CACNA1A: variants seen among roughly 807,000 people sequenced by gnomAD.
The protein encoded by CACNA1A is voltage-dependent P/Q-type calcium channel subunit alpha-1A.
Under a neutral mutation model 262.4 loss-of-function variants are expected in CACNA1A, and 57 were observed. That is an observed-to-expected ratio of 0.22 (90% CI 0.18 to 0.27). The LOEUF (loss-of-function observed/expected upper bound fraction) is 0.27. CACNA1A is among the 10% of genes least tolerant of loss of function. The pLI is 1.00. For synonymous variants in CACNA1A, 1,431 were observed against 1,419.3 expected, an observed-to-expected ratio of 1.01 and a Z score of -0.18; for missense variants, 2,526 against 3,562.8, an observed-to-expected ratio of 0.71 and a Z score of 7.41.
rs571616316 is a variant in CACNA1A at position 13,379,700 on chromosome 19, C to A, written c.540-7921G>T. Among the ~76,000 whole-genome samples the A allele has an allele frequency of 5.3e-5, 8 of 152,000 alleles. No homozygotes were observed. In the South Asian group the frequency reaches 1.0e-3, roughly 20 times the overall value. Reference sequence around the variant, plus strand: ...CAACACTTTGGGAGGCCAAGGCTGGCGGATCACAAGGTCAGGAGTTCGAGA... The same window carrying A: ...CAACACTTTGGGAGGCCAAGGCTGGAGGATCACAAGGTCAGGAGTTCGAGA... On this transcript the variant is annotated intron_variant, in intron 3 of 46. Coordinates refer to ENST00000360228, the MANE Select transcript of CACNA1A (RefSeq NM_001127222.2).
At chr19:13,448,310 G>A (rs957065692) in intron 3 of CACNA1A, among the ~76,000 whole-genome samples, 3 of 152,072 alleles carry the variant, frequency 2.0e-5, no homozygotes, top group Non-Finnish European at 4.4e-5. Context: ...GATAACACAT[G>A]GACATACAGA....
intron 24 of CACNA1A, among the ~76,000 whole-genome samples, chr19:13,266,226 TTTAAA>T (rs949378553): frequency 5.3e-5 from 8 of 149,578 alleles, no homozygotes; most frequent in African/African-American, 2.0e-4. Context: ...TTTTTTTTTA[TTTAAA>T]TTAAAGAGAT....
chr19:13,315,915 C>T (rs1190782141), intron 11 of CACNA1A: 1 of 152,112 alleles, frequency 6.6e-6, no homozygotes, highest in Non-Finnish European at 1.5e-5. Context: ...CATCCACCTG[C>T]CCCCCTCACT....
rs1015717281 is a variant in CACNA1A at position 13,298,425 on chromosome 19, G to C, written c.3089+119C>G. On this transcript the variant is annotated intron_variant, in intron 19 of 46. Coordinates refer to ENST00000360228, the MANE Select transcript of CACNA1A (RefSeq NM_001127222.2). ...ATTACAGGCGTGAGCCACTGCGCCTGGCCAAATACAGCATTTTATAATATA... is the reference window on the plus strand; with the variant it reads ...ATTACAGGCGTGAGCCACTGCGCCTCGCCAAATACAGCATTTTATAATATA... 5.9e-6 allele frequency: 6 copies of C among 1,012,006 alleles called. No individual in the cohort carries two copies. In the African/African-American group the frequency reaches 1.0e-4, roughly 17 times the overall value. 62.7% of individuals were successfully genotyped at this position (1,012,006 alleles called of 1,614,324 possible).
At position 13,352,677 on chromosome 19, in the gene CACNA1A, C is replaced by T. The variant is rs528576393; in HGVS notation, c.978+6929G>A. On this transcript the variant is annotated intron_variant, in intron 6 of 46. Coordinates refer to ENST00000360228, the MANE Select transcript of CACNA1A (RefSeq NM_001127222.2). The stretch of plus-strand genomic sequence containing the variant: ...GCCACTGTTCTCCATGCTGGGAATG[C>T]TGTTTCCAAAACATCTGCCTGGCTT... Among the ~76,000 whole-genome samples the T allele has an allele frequency of 5.9e-5, 9 of 152,310 alleles. No individual in the cohort carries two copies. The South Asian group carries it at 1.9e-3, about 32-fold the overall frequency.
intron 19 of CACNA1A, among the ~76,000 whole-genome samples, chr19:13,292,151 C>T (rs2057554355): frequency 6.6e-6 from 1 of 152,150 alleles, no homozygotes; most frequent in Non-Finnish European, 1.5e-5. Context: ...CTCATTTTGT[C>T]CACCCTGCAG....
At chr19:13,360,263 GTGTA>G (rs1211467197) in intron 5 of CACNA1A, among the ~76,000 whole-genome samples, 103 of 66,244 alleles carry the variant, frequency 1.6e-3, no homozygotes, top group Non-Finnish European at 2.2e-3. Flanking sequence ...GTGTGTGTGT[GTGTA>G]TATATATATA....
At chr19:13,279,932 C>T (rs1234936497) in intron 22 of CACNA1A, among the ~76,000 whole-genome samples, 2 of 152,092 alleles carry the variant, frequency 1.3e-5, no homozygotes, top group South Asian at 2.1e-4. Context: ...CTTCAGCCTC[C>T]CGAGTAGCTG....
chr19:13,214,251 C>A lies in CACNA1A; in HGVS notation c.5922G>T (p.Gln1974His). 6.2e-7 allele frequency: 1 copy of A among 1,610,638 alleles called. No individual in the cohort carries two copies. Among genetic ancestry groups the A allele is most frequent in the Non-Finnish European group, 8.5e-7 (1 of 1,179,804 alleles). Residue 1974 changes from glutamine to histidine, a missense_variant, in exon 40 of 47, where the codon CAG becomes CAT. This residue lies in a region of CACNA1A where 929 missense variants were observed against 868.1 expected (regional missense o/e 1.07). Transcript: ENST00000360228. This position sits in a 1 kb window ranked among gnomAD's most constrained non-coding sequence, Gnocchi z 4.1. ...AGCGCACCTGCTCCTCGCGCATGGCCTGCAGCTTCTTGGCCTTGCTCTGCC... is the reference window on the plus strand; with the variant it reads ...AGCGCACCTGCTCCTCGCGCATGGCATGCAGCTTCTTGGCCTTGCTCTGCC... ...YYRQSKAKKL[Q>H]AMREEQDRTP...
rs1258385215 is a variant in CACNA1A at position 13,212,088 on chromosome 19, G to A, written c.6303+15C>T. On this transcript the variant is annotated intron_variant, in intron 43 of 46. Transcript: ENST00000360228. This position sits in a 1 kb window ranked among gnomAD's most constrained non-coding sequence, Gnocchi z 5.6. ...GTGAGGGGTCCAGCCCCAGGGCAGT[G>A]GTGAAAGCCCTCACCTGGTTCTCTG... is the stretch of plus-strand genomic sequence containing the variant. The A allele has an allele frequency of 1.3e-6, 2 of 1,583,270 alleles. No homozygotes were observed. Among genetic ancestry groups the A allele is most frequent in the Admixed American group, 3.3e-5 (2 of 59,884 alleles).
chr19:13,209,559 C>T, intron 44 of CACNA1A, 61 bp from the exon 45 acceptor site: 1 of 1,206,236 alleles, frequency 8.3e-7, no homozygotes, highest in Non-Finnish European at 1.1e-6. Context: ...GGTCCCGGTC[C>T]TTCCTGCCCC....
chr19:13,490,689 AAAGGAAAGAAAGAAAGAAAG>A (rs1471225625), intron 1 of CACNA1A, among the ~76,000 whole-genome samples: 2 of 88,020 alleles, frequency 2.3e-5, no homozygotes, highest in Non-Finnish European at 4.4e-5. Flanking sequence ...AGAGAGAAAG[AAAGGAAAGAAAGAAAGAAAG>A]AAAGAAAGAA....
At chr19:13,462,418 C>T (rs1469503492) in intron 1 of CACNA1A, among the ~76,000 whole-genome samples, 1 of 152,136 alleles carries the variant, frequency 6.6e-6, no homozygotes, top group Non-Finnish European at 1.5e-5. Context: ...GGTACCAGAA[C>T]CCTAGATATA....
chr19:13,497,564 ATATATATAT>A (rs1981825150), intron 1 of CACNA1A, among the ~76,000 whole-genome samples: 3 of 38,772 alleles, frequency 7.7e-5, no homozygotes, highest in African/African-American at 1.0e-4. Context: ...ATATATATAT[ATATATATAT>A]ATATATAAAT....
At chr19:13,291,291 C>T (rs1208143554) in intron 19 of CACNA1A, among the ~76,000 whole-genome samples, 4 of 152,016 alleles carry the variant, frequency 2.6e-5, no homozygotes, top group Admixed American at 6.6e-5. Context: ...GTGATAATAA[C>T]AGCAGTTCCT....
chr19:13,377,940 C>A (rs1445167069), intron 3 of CACNA1A, among the ~76,000 whole-genome samples: 3 of 151,730 alleles, frequency 2.0e-5, no homozygotes, highest in African/African-American at 7.3e-5. Flanking sequence ...CCAGTCTGGG[C>A]AACATAGTGA....
At chr19:13,477,463 A>G (rs538243024) in intron 1 of CACNA1A, among the ~76,000 whole-genome samples, 1 of 152,332 alleles carries the variant, frequency 6.6e-6, no homozygotes, top group South Asian at 2.1e-4. Flanking sequence ...TGTTTGCTAA[A>G]CAAATGCACA....
At position 13,281,953 on chromosome 19, in the gene CACNA1A, G is replaced by C. The variant is rs75059291; in HGVS notation, c.3822+1314C>G. 3.3e-3 allele frequency among the ~76,000 whole-genome samples: 497 copies of C among 152,314 alleles called. 2 individuals carry two copies. In the East Asian group the frequency reaches 0.038, roughly 12 times the overall value. ...CTGTGCCCTCCCTGCCGAAGGCAAC[G>C]CCTTCTTCAGCATCCTCGCGTCAGC... On this transcript the variant is annotated intron_variant, in intron 22 of 46. Coordinates refer to ENST00000360228, the MANE Select transcript of CACNA1A (RefSeq NM_001127222.2).
chr19:13,321,793 G>A (rs1004091077), intron 10 of CACNA1A, among the ~76,000 whole-genome samples: 13 of 152,124 alleles, frequency 8.5e-5, no homozygotes, highest in African/African-American at 2.4e-4. Flanking sequence ...GTGAGGGAGT[G>A]AGTTGAGTGG....
Sources: allele counts gnomAD v4.1 joint callset (sites outside exome capture counted in the v4.1 genomes callset), GRCh38; gene constraint gnomAD v4.1.1; regional missense constraint gnomAD v4.1.1; non-coding constraint Gnocchi (gnomAD v3.1); transcripts MANE v1.5; gene names NCBI Gene and HGNC (gene_info 2026-07-23, HGNC 2026-07-21).